KIF13B: variants seen among roughly 807,000 people sequenced by gnomAD.
KIF13B encodes the protein kinesin-like protein KIF13B.
In KIF13B, 127 loss-of-function variants were observed where a neutral mutation model predicts 222.0. The ratio of observed to expected loss-of-function variants is 0.57; its 90% CI spans 0.50 to 0.66. The LOEUF (loss-of-function observed/expected upper bound fraction) is 0.66, where lower values mean the gene tolerates loss of function less well. KIF13B is among the 30% of genes least tolerant of loss of function. KIF13B has a pLI of 0.00. For missense variants in KIF13B, 2,173 were observed against 2,379.0 expected (o/e 0.91, Z 1.80); for synonymous variants, 976 against 919.0 (o/e 1.06, Z -1.12).
chr8:29,124,162 C>G (rs751573908), intron 26 of KIF13B, 39 bp from the exon 27 acceptor site: 2 of 1,209,328 alleles, frequency 1.7e-6, no homozygotes, highest in South Asian at 2.5e-5. Flanking sequence ...AATGTAATGT[C>G]AAGATAATCT....
intron 36 of KIF13B, among the ~76,000 whole-genome samples, chr8:29,095,909 AAAC>A (rs1183019993): frequency 1.3e-5 from 2 of 152,208 alleles, no homozygotes; most frequent in Non-Finnish European, 2.9e-5. Context: ...ACGAAACAAA[AAAC>A]AAAACATAAA....
chr8:29,181,876 TACTAC>T (rs1361267188), intron 7 of KIF13B, 38 bp downstream of exon 7: 11 of 1,396,468 alleles, frequency 7.9e-6, no homozygotes, highest in Non-Finnish European at 1.0e-5. Flanking sequence ...AGCCCCACCC[TACTAC>T]ACTAAATTTA....
At chr8:29,235,874 T>C (rs1364389712) in intron 2 of KIF13B, among the ~76,000 whole-genome samples, 3 of 152,084 alleles carry the variant, frequency 2.0e-5, no homozygotes, top group Admixed American at 2.0e-4. Context: ...GGTCCTTCCC[T>C]AGGGTAATGT....
At chr8:29,253,713 C>A (rs552750285) in intron 1 of KIF13B, among the ~76,000 whole-genome samples, 92 of 151,270 alleles carry the variant, frequency 6.1e-4, no homozygotes, top group Middle Eastern at 3.4e-3. Context: ...ACCTGTAATC[C>A]CAGAAACTCA....
chr8:29,127,831 C>T (rs1810181573), intron 24 of KIF13B, among the ~76,000 whole-genome samples: 1 of 151,976 alleles, frequency 6.6e-6, no homozygotes, highest in Admixed American at 6.6e-5. Flanking sequence ...TCTTAAGCAC[C>T]TTTAAGAACA....
At chr8:29,234,371 T>C (rs975418673) in intron 2 of KIF13B, among the ~76,000 whole-genome samples, 1 of 151,972 alleles carries the variant, frequency 6.6e-6, no homozygotes, top group African/African-American at 2.4e-5. Context: ...TGCTATAACA[T>C]GGATGAACCT....
chr8:29,078,677 T>C (rs1307134767), intron 37 of KIF13B, among the ~76,000 whole-genome samples: 2 of 152,186 alleles, frequency 1.3e-5, no homozygotes, highest in Non-Finnish European at 1.5e-5. Flanking sequence ...TAAGGAGAAG[T>C]CCCATGAGGC....
intron 12 of KIF13B, among the ~76,000 whole-genome samples, chr8:29,162,008 C>T (rs940080792): frequency 6.6e-6 from 1 of 152,168 alleles, no homozygotes; most frequent in African/African-American, 2.4e-5. Flanking sequence ...ATTTTCATAA[C>T]ACGGGCCTTT....
chr8:29,108,668 C>T (rs1040947398), intron 34 of KIF13B, among the ~76,000 whole-genome samples: 4 of 152,134 alleles, frequency 2.6e-5, no homozygotes, highest in East Asian at 1.9e-4. Flanking sequence ...AGACGTTATC[C>T]GCCTTGAGTT....
At chr8:29,239,473 T>C (rs1167117554) in intron 2 of KIF13B, among the ~76,000 whole-genome samples, 2 of 151,856 alleles carry the variant, frequency 1.3e-5, no homozygotes, top group Non-Finnish European at 2.9e-5. Context: ...TAAGTGGGAG[T>C]TAAACATTGG....
At chr8:29,193,646 C>G (rs956330845) in intron 3 of KIF13B, among the ~76,000 whole-genome samples, 5 of 152,188 alleles carry the variant, frequency 3.3e-5, no homozygotes, top group African/African-American at 1.2e-4. Flanking sequence ...CTTCCAGGAC[C>G]TCCCATGAAT....
chr8:29,167,870 C>T (rs187713497), intron 10 of KIF13B, among the ~76,000 whole-genome samples: 1 of 152,172 alleles, frequency 6.6e-6, no homozygotes, highest in Admixed American at 6.5e-5. Flanking sequence ...AGTCATCTGC[C>T]CTATTTTATA....
intron 1 of KIF13B, among the ~76,000 whole-genome samples, chr8:29,248,192 A>G (rs1165898626): frequency 6.6e-6 from 1 of 152,196 alleles, no homozygotes; most frequent in Non-Finnish European, 1.5e-5. Context: ...TTCCACTCCT[A>G]GATACATACC....
intron 22 of KIF13B, 27 bp from the exon 23 acceptor site, chr8:29,132,492 G>A (rs957566910): frequency 1.6e-5 from 23 of 1,398,888 alleles, no homozygotes; most frequent in Non-Finnish European, 2.2e-5. Context: ...AATTACAGAA[G>A]AGCAAACTCT....
chr8:29,223,265 G>T (rs1029544838), intron 2 of KIF13B, among the ~76,000 whole-genome samples: 1 of 148,048 alleles, frequency 6.8e-6, no homozygotes, highest in African/African-American at 2.5e-5. Context: ...GAGCTCAGGA[G>T]GTCAAGGCTA....
intron 35 of KIF13B, among the ~76,000 whole-genome samples, chr8:29,105,360 C>T (rs964621320): frequency 3.3e-5 from 5 of 152,212 alleles, no homozygotes; most frequent in Admixed American, 3.3e-4. Flanking sequence ...ACAGATCCTT[C>T]TGCTCACAGT....
At chr8:29,108,296 G>C in intron 34 of KIF13B, 104 bp from the exon 35 acceptor site, 1 of 1,045,796 alleles carries the variant, frequency 9.6e-7, no homozygotes, top group Non-Finnish European at 1.4e-6. Context: ...CGTCAAAGTT[G>C]GGTGGCAGCA....
intron 1 of KIF13B, among the ~76,000 whole-genome samples, chr8:29,255,216 T>C (rs1400071515): frequency 2.0e-5 from 3 of 152,208 alleles, no homozygotes; most frequent in Admixed American, 6.5e-5. Flanking sequence ...ATACTAATAA[T>C]GGCTGCACAA....
intron 9 of KIF13B, 141 bp downstream of exon 9, chr8:29,177,325 A>G (rs948854517): frequency 3.2e-6 from 2 of 630,190 alleles, no homozygotes; most frequent in African/African-American, 1.8e-5. Flanking sequence ...AGGCATCTCA[A>G]CAAAACCTAA....
Sources: gnomAD v4.1 joint callset for allele counts (sites outside exome capture counted in the v4.1 genomes callset) on GRCh38, gnomAD v4.1.1 for gene constraint, MANE v1.5 for transcripts, NCBI Gene and HGNC (gene_info 2026-07-23, HGNC 2026-07-21) for gene names.